The following EDDM3A variants were observed in gnomAD, a reference collection of about 807,000 sequenced individuals.
EDDM3A encodes epididymal secretory protein E3-alpha.
For missense variants in EDDM3A, 199 were observed against 177.4 expected (o/e 1.12, Z -0.69); for synonymous variants, 75 against 60.4 (o/e 1.24, Z -1.12).
intron 1 of EDDM3A, 46 bp from the exon 2 acceptor site, chr14:20,747,509 T>A: frequency 6.5e-6 from 8 of 1,239,414 alleles, no homozygotes; most frequent in Non-Finnish European, 9.0e-6. Flanking sequence ...GGAGCTCAGC[T>A]CTCTGAGTAT....
upstream of EDDM3A, among the ~76,000 whole-genome samples, chr14:20,742,141 T>C (rs34216347): frequency 0.13 from 20,196 of 152,206 alleles, 1,411 homozygotes; most frequent in Middle Eastern, 0.21. Context: ...AGCTGCATTG[T>C]TGCAGCAACT....
chr14:20,740,445 C>A, the EDDM3A span, among the ~76,000 whole-genome samples: 1 of 152,204 alleles, frequency 6.6e-6, no homozygotes, highest in African/African-American at 2.4e-5. Flanking sequence ...GGGAAAACAT[C>A]TCTGGTAAGT....
intron 1 of EDDM3A, among the ~76,000 whole-genome samples, chr14:20,747,036 A>G (rs1877612411): frequency 1.3e-5 from 1 of 75,786 alleles, no homozygotes; most frequent in Non-Finnish European, 2.5e-5. Flanking sequence ...TACTTTATCT[A>G]TATTTTCCAA....
chr14:20,738,505 A>ATAAG, the EDDM3A span, among the ~76,000 whole-genome samples: 1 of 148,546 alleles, frequency 6.7e-6, no homozygotes, highest in Admixed American at 6.7e-5. Context: ...AAATAAATAA[A>ATAAG]TAAACAGTAG....
chr14:20,736,251 A>C, the EDDM3A span, among the ~76,000 whole-genome samples: 1 of 152,132 alleles, frequency 6.6e-6, no homozygotes, highest in South Asian at 2.1e-4. Flanking sequence ...CTGGAATTAC[A>C]GGAGCATGTC....
At chr14:20,742,758 A>T (rs899470077), upstream of EDDM3A, among the ~76,000 whole-genome samples, 7 of 148,316 alleles carry the variant, frequency 4.7e-5, no homozygotes, top group South Asian at 2.1e-4. Context: ...GGCCTTAAAA[A>T]TTTTTCTTTT....
the EDDM3A span, among the ~76,000 whole-genome samples, chr14:20,736,950 G>T: frequency 6.6e-6 from 1 of 151,418 alleles, no homozygotes; most frequent in African/African-American, 2.4e-5. Flanking sequence ...TGAGCTCAGG[G>T]AATCTGCTTG....
At chr14:20,742,234 A>G (rs1313834838), upstream of EDDM3A, among the ~76,000 whole-genome samples, 1 of 152,226 alleles carries the variant, frequency 6.6e-6, no homozygotes, top group East Asian at 1.9e-4. Context: ...GGGAAACCAG[A>G]TAGTGCTAAG....
upstream of EDDM3A, among the ~76,000 whole-genome samples, chr14:20,742,727 C>T (rs1877471546): frequency 6.6e-6 from 1 of 152,096 alleles, no homozygotes; most frequent in African/African-American, 2.4e-5. Context: ...GCTGAGGTTA[C>T]AGGCACGTGC....
chr14:20,741,367 A>T (rs1157042494), upstream of EDDM3A, among the ~76,000 whole-genome samples: 1 of 152,238 alleles, frequency 6.6e-6, no homozygotes, highest in Non-Finnish European at 1.5e-5. Context: ...GGGGCACTGG[A>T]CATATCTTTG....
At chr14:20,747,102 C>CTTTTT (rs71112518) in intron 1 of EDDM3A, among the ~76,000 whole-genome samples, 10 of 122,144 alleles carry the variant, frequency 8.2e-5, no homozygotes, top group South Asian at 2.7e-4. Context: ...AAACTGTATT[C>CTTTTT]TTTTTTTTTT....
In EDDM3A at chr14:20,747,612, T is replaced by C; in HGVS notation, c.32T>C (p.Leu11Pro). The change falls in exon 2 of 2, where the codon CTC becomes CCC. Residue 11 changes from leucine to proline, a missense_variant. Physicochemically the swap from Leu to Pro is moderately conservative, Grantham distance 98 (BLOSUM62 -3). Coordinates refer to ENST00000326842, the MANE Select transcript of EDDM3A (RefSeq NM_006683.5). Reference sequence around the variant, plus strand: ...TCCTCTCTAAAGATTTGGGGCATACTCTTGGCCCTGCTTTGCATCCTTTGC... The same window carrying C: ...TCCTCTCTAAAGATTTGGGGCATACCCTTGGCCCTGCTTTGCATCCTTTGC... MTSSLKIWGI[L>P]LALLCILCRL... 6.2e-7 allele frequency: 1 copy of C among 1,612,654 alleles called. No individual in the cohort carries two copies. Among genetic ancestry groups the C allele is most frequent in the Non-Finnish European group, 8.5e-7 (1 of 1,179,192 alleles).
At chr14:20,738,720 T>A in the EDDM3A span, among the ~76,000 whole-genome samples, 1 of 152,168 alleles carries the variant, frequency 6.6e-6, no homozygotes, top group African/African-American at 2.4e-5. Context: ...CACGTATACA[T>A]GGGAGAAACT....
the EDDM3A span, among the ~76,000 whole-genome samples, chr14:20,739,507 A>G: frequency 6.6e-6 from 1 of 152,292 alleles, no homozygotes; most frequent in Non-Finnish European, 1.5e-5. Context: ...ATGAGATCCA[A>G]GCTAGGCTAA....
At chr14:20,746,701 C>T (rs1877598586) in intron 1 of EDDM3A, among the ~76,000 whole-genome samples, 1 of 152,104 alleles carries the variant, frequency 6.6e-6, no homozygotes, top group South Asian at 2.1e-4. Flanking sequence ...CATGTTTCAC[C>T]CAGACTTTGG....
chr14:20,736,867 T>C, the EDDM3A span, among the ~76,000 whole-genome samples: 3,802 of 151,444 alleles, frequency 0.025, 147 homozygotes, highest in African/African-American at 0.088. Flanking sequence ...TGAGCCACCA[T>C]GCCTGGCTAA....
upstream of EDDM3A, among the ~76,000 whole-genome samples, chr14:20,744,279 T>C (rs1877519243): frequency 6.6e-6 from 1 of 152,222 alleles, no homozygotes; most frequent in Non-Finnish European, 1.5e-5. Flanking sequence ...TATCAGCACA[T>C]GATTTTCTAT....
At chr14:20,743,025 A>G (rs899778034), upstream of EDDM3A, among the ~76,000 whole-genome samples, 2 of 152,170 alleles carry the variant, frequency 1.3e-5, no homozygotes, top group African/African-American at 4.8e-5. Context: ...GTGAGCCACT[A>G]TGCCCAGCCC....
At chr14:20,739,535 G>A in the EDDM3A span, among the ~76,000 whole-genome samples, 1 of 152,128 alleles carries the variant, frequency 6.6e-6, no homozygotes, top group African/African-American at 2.4e-5. Context: ...TTCTTTTGTA[G>A]GACATAAATA....
Sources: allele counts gnomAD v4.1 joint callset (sites outside exome capture counted in the v4.1 genomes callset), GRCh38; gene constraint gnomAD v4.1.1; transcripts MANE v1.5; gene names NCBI Gene and HGNC (gene_info 2026-07-23, HGNC 2026-07-21).